Variants in AADACL2 observed in about 807,000 individuals in gnomAD.
AADACL2 encodes the protein arylacetamide deacetylase-like 2.
AADACL2 carries 23 observed loss-of-function variants against 22.3 expected under a neutral mutation model. That is an observed-to-expected ratio of 1.03 (90% CI 0.74 to 1.46). AADACL2 has a LOEUF of 1.46. Among genes scored for constraint, AADACL2 ranks in the 40% most tolerant of loss-of-function variants. The probability of loss-of-function intolerance (pLI) is 0.00; values close to 1 mark genes in which losing one functional copy is unlikely to be tolerated. For missense variants in AADACL2, 472 were observed against 482.9 expected (o/e 0.98, Z 0.21); for synonymous variants, 177 against 166.2 (o/e 1.07, Z -0.50).
rs1398208943 is a variant in AADACL2 at position 151,761,107 on chromosome 3, T to C, written c.*3513T>C. The C allele has an allele frequency of 2.7e-5, 4 of 147,362 alleles. No homozygotes were observed. In the East Asian group the frequency reaches 7.8e-4, roughly 29 times the overall value. 9.1% of individuals were successfully genotyped at this position (147,362 alleles called of 1,614,324 possible). A position where few individuals can be genotyped will look rare whatever the true frequency, so the allele number is the denominator to read the frequency against. On this transcript the variant is annotated 3_prime_UTR_variant, in exon 5 of 5. Transcript: ENST00000356517. ...TATATGGTGAGATATATATATATTT[T>C]TTTATATATGGTGAGATATATATTT...
At chr3:151,755,761 TTTTG>T (rs1713873989) in intron 4 of AADACL2, among the ~76,000 whole-genome samples, 1 of 152,138 alleles carries the variant, frequency 6.6e-6, no homozygotes, top group Admixed American at 6.6e-5. Context: ...GATGGACACT[TTTTG>T]ACCTGTCCCT....
In AADACL2 at chr3:151,757,547, C is replaced by A. The variant is rs143833197; in HGVS notation, c.1159C>A (p.Leu387Ile). 6.2e-7 allele frequency: 1 copy of A among 1,612,936 alleles called. No homozygotes were observed. Among genetic ancestry groups the A allele is most frequent in the East Asian group, 2.2e-5 (1 of 44,828 alleles). ...TTCACCATTTTATTTACGTCTAGGT[C>A]TTAGGATAAGAGATATGTATGTAAG... ...MTSPFYLRLG[L>I]RIRDMYVSWL... Residue 387 changes from leucine to isoleucine, a missense_variant, in exon 5 of 5, where the codon CTT becomes ATT. By Grantham distance (5) the Leu-to-Ile change is conservative. This residue lies in a region of AADACL2 where 113 missense variants were observed against 100.9 expected (regional missense o/e 1.12). Coordinates refer to ENST00000356517, the MANE Select transcript of AADACL2 (RefSeq NM_207365.4).
intron 1 of AADACL2, among the ~76,000 whole-genome samples, chr3:151,738,877 T>G (rs1713184225): frequency 6.6e-6 from 1 of 152,212 alleles, no homozygotes; most frequent in Non-Finnish European, 1.5e-5. Flanking sequence ...AAACTGGTTA[T>G]TTTAGTTAGC....
chr3:151,747,871 A>G (rs1012242656), intron 4 of AADACL2, among the ~76,000 whole-genome samples: 12 of 152,200 alleles, frequency 7.9e-5, no homozygotes, highest in Admixed American at 2.6e-4. Context: ...GTTTTCCATA[A>G]TGGATATACT....
In AADACL2 at chr3:151,757,036, C is replaced by T; in HGVS notation, c.648C>T (p.Val216=). ...AEIKHKIKMQ[V]LLYPGLQITD... ...TAAAACATAAAATCAAGATGCAAGT[C>T]TTACTTTACCCTGGCTTACAGATAA... The change falls in exon 5 of 5, where the codon GTC becomes GTT. Residue 216 remains valine (V), a synonymous_variant. Transcript: ENST00000356517. 1 of 1,610,512 alleles carries T rather than the reference C, an allele frequency of 6.2e-7. No homozygotes were observed.
chr3:151,754,328 G>A (rs1275923396), intron 4 of AADACL2, among the ~76,000 whole-genome samples: 1 of 152,134 alleles, frequency 6.6e-6, no homozygotes, highest in East Asian at 1.9e-4. Context: ...TAGGAGACCA[G>A]TCTTCATCAT....
chr3:151,740,388 C>T (rs1713239878), intron 1 of AADACL2, among the ~76,000 whole-genome samples: 1 of 152,176 alleles, frequency 6.6e-6, no homozygotes, highest in African/African-American at 2.4e-5. Flanking sequence ...AATCACCTGC[C>T]TTCTGCATTG....
At chr3:151,755,721 A>G (rs1345151192) in intron 4 of AADACL2, among the ~76,000 whole-genome samples, 2 of 152,180 alleles carry the variant, frequency 1.3e-5, no homozygotes, top group Non-Finnish European at 2.9e-5. Context: ...GGCATTCCAG[A>G]AAGGAAAGTT....
Position 151,757,410 on chromosome 3 carries a change from A to G in AADACL2, c.1022A>G (p.Asp341Gly), listed in dbSNP as rs573124752. ...ACCTATATTCTTACTTGTCAACATG[A>G]TCTCTTAAGAGATGATGGACTTATG... ...PLTYILTCQH[D>G]LLRDDGLMYV... Residue 341 changes from aspartate to glycine, a missense_variant, in exon 5 of 5, where the codon GAT becomes GGT. This residue lies in a region of AADACL2 where 113 missense variants were observed against 100.9 expected (regional missense o/e 1.12). Coordinates refer to ENST00000356517, the MANE Select transcript of AADACL2 (RefSeq NM_207365.4). The G allele has an allele frequency of 5.6e-6, 9 of 1,613,708 alleles. No individual in the cohort carries two copies. In the East Asian group the frequency reaches 1.8e-4, roughly 32 times the overall value.
chr3:151,734,490 T>C (rs1326166912), intron 1 of AADACL2, among the ~76,000 whole-genome samples: 2 of 152,182 alleles, frequency 1.3e-5, no homozygotes, highest in African/African-American at 4.8e-5. Context: ...TTGACTTAAA[T>C]TTGAACTTTC....
chr3:151,743,052 T>C (rs969618733), intron 2 of AADACL2, among the ~76,000 whole-genome samples: 2 of 152,160 alleles, frequency 1.3e-5, no homozygotes, highest in African/African-American at 2.4e-5. Context: ...GAAGATCTCA[T>C]GCTCTTTCGT....
intron 3 of AADACL2, 50 bp downstream of exon 3, chr3:151,744,212 G>A: frequency 6.4e-7 from 1 of 1,566,704 alleles, no homozygotes; most frequent in South Asian, 1.1e-5. Context: ...TTACCATGTA[G>A]AGGTTTGATT....
chr3:151,741,634 G>A (rs182127243), intron 2 of AADACL2, among the ~76,000 whole-genome samples: 85 of 151,986 alleles, frequency 5.6e-4, no homozygotes, highest in Middle Eastern at 3.4e-3. Context: ...TAAAATGGTC[G>A]AATAACCTGC....
chr3:151,753,695 T>G (rs1052885439), intron 4 of AADACL2, among the ~76,000 whole-genome samples: 2 of 152,112 alleles, frequency 1.3e-5, no homozygotes, highest in Non-Finnish European at 2.9e-5. Flanking sequence ...ATTAGCAATG[T>G]AGGAACTCCT....
In AADACL2 at chr3:151,748,956, T is replaced by C. The variant is rs140557539; in HGVS notation, c.603+3276T>C. ...TGTTTTGATTATTGTAGCTTTGCAG[T>C]TTATTTTGAAATCAGGCATTATGAT... On this transcript the variant is annotated intron_variant, in intron 4 of 4. Transcript: ENST00000356517. Among the ~76,000 whole-genome samples the C allele has an allele frequency of 4.7e-4, 71 of 152,328 alleles. No individual in the cohort carries two copies. In the Middle Eastern group the frequency reaches 0.014, roughly 29 times the overall value.
At chr3:151,741,410 T>C (rs1053521948) in intron 2 of AADACL2, among the ~76,000 whole-genome samples, 7 of 152,272 alleles carry the variant, frequency 4.6e-5, no homozygotes, top group Admixed American at 2.6e-4. Flanking sequence ...CTTGTCTTTT[T>C]AGGCATTTTT....
At chr3:151,754,049 A>C (rs1713780549) in intron 4 of AADACL2, among the ~76,000 whole-genome samples, 1 of 152,126 alleles carries the variant, frequency 6.6e-6, no homozygotes, top group Non-Finnish European at 1.5e-5. Flanking sequence ...TCCATGGCAG[A>C]TTACTGCTTT....
intron 4 of AADACL2, among the ~76,000 whole-genome samples, chr3:151,750,120 T>C (rs147127687): frequency 5.9e-5 from 9 of 152,354 alleles, no homozygotes; most frequent in Non-Finnish European, 1.2e-4. Context: ...TTCATTCTCT[T>C]ACTATGGCAT....
chr3:151,740,849 T>G lies in AADACL2; in HGVS notation c.342T>G (p.Gly114=). Residue 114 remains glycine, a synonymous_variant, in exon 2 of 5, where the codon GGT becomes GGG. Coordinates refer to ENST00000356517, the MANE Select transcript of AADACL2 (RefSeq NM_207365.4). The stretch of plus-strand genomic sequence containing the variant: ...CTGTGATATATTTTCATGGTGGTGG[T>G]TTTTGTTTTGGAAGTTCCAGTAAGT... ...RRAVIYFHGG[G]FCFGSSKQRA... 6.2e-7 allele frequency: 1 copy of G among 1,613,842 alleles called. No individual in the cohort carries two copies. Among genetic ancestry groups the G allele is most frequent in the Non-Finnish European group, 8.5e-7 (1 of 1,179,874 alleles).
Sources: gnomAD v4.1 joint callset for allele counts (sites outside exome capture counted in the v4.1 genomes callset) on GRCh38, gnomAD v4.1.1 for gene constraint, gnomAD v4.1.1 regional missense constraint, MANE v1.5 for transcripts, NCBI Gene and HGNC (gene_info 2026-07-23, HGNC 2026-07-21) for gene names.